The following DMD variants were observed in gnomAD, a reference collection of about 807,000 sequenced individuals.
The protein encoded by DMD is mutant dystrophin.
A neutral mutation model predicts 330.1 loss-of-function variants in DMD; 63 were observed. The ratio of observed to expected loss-of-function variants is 0.19; its 90% CI spans 0.16 to 0.24. DMD has a LOEUF of 0.24. Ranked by LOEUF, DMD falls within the 10% of genes least tolerant of loss-of-function variation. The probability of loss-of-function intolerance (pLI) is 1.00; values close to 1 mark genes in which losing one functional copy is unlikely to be tolerated. For missense variants in DMD, 3,344 were observed against 2,684.1 expected (o/e 1.25, Z -5.43); for synonymous variants, 1,223 against 959.8 (o/e 1.27, Z -5.07).
chrX:31,482,727 G>A (rs192131800), intron 57 of DMD, among the ~76,000 whole-genome samples: 3 of 111,877 alleles, frequency 2.7e-5, no homozygotes, highest in East Asian at 5.6e-4. Flanking sequence ...TTCTGAGAAG[G>A]AAAAGAGGAA....
At chrX:32,826,987 T>C (rs1438550004) in intron 4 of DMD, among the ~76,000 whole-genome samples, 1 of 108,953 alleles carries the variant, frequency 9.2e-6, no homozygotes, top group African/African-American at 3.4e-5. Context: ...TAAAAAATAG[T>C]TATATGGTAA....
intron 52 of DMD, among the ~76,000 whole-genome samples, chrX:31,681,906 C>T (rs921063793): frequency 6.3e-5 from 7 of 111,395 alleles, no homozygotes; most frequent in African/African-American, 1.3e-4. Flanking sequence ...CCAGCCTGAC[C>T]GACATGCTGA....
intron 7 of DMD, among the ~76,000 whole-genome samples, chrX:32,795,096 T>C (rs1455502298): frequency 8.9e-6 from 1 of 111,869 alleles, no homozygotes; most frequent in Non-Finnish European, 1.9e-5. Context: ...GCATTCTACA[T>C]TGAATAATGC....
rs935857284 is a variant in DMD, at chrX:32,611,633, T to C, written c.1482+2670A>G. Among the ~76,000 whole-genome samples, 3 of 111,672 alleles carry C rather than the reference T, an allele frequency of 2.7e-5. No homozygotes were observed. The South Asian group carries it at 1.1e-3, about 41-fold the overall frequency. On this transcript the variant is annotated intron_variant, in intron 12 of 78. Coordinates refer to ENST00000357033, the MANE Select transcript of DMD (RefSeq NM_004006.3). ...ACCTTAATGAAGAGTCTGTTCAGCGTCCCAAGCTAAGAACTTCCTTCATAG... is the reference window on the plus strand; with the variant it reads ...ACCTTAATGAAGAGTCTGTTCAGCGCCCCAAGCTAAGAACTTCCTTCATAG...
chrX:31,925,573 T>C, intron 47 of DMD, among the ~76,000 whole-genome samples: 2 of 111,091 alleles, frequency 1.8e-5, no homozygotes, highest in Middle Eastern at 9.3e-3. Context: ...AATATGCAAA[T>C]AGAAAAGTAG....
chrX:32,771,385 A>T (rs1224478938), intron 7 of DMD, among the ~76,000 whole-genome samples: 1 of 111,362 alleles, frequency 9.0e-6, no homozygotes, highest in Non-Finnish European at 1.9e-5. Context: ...TAACTACTAC[A>T]GATGAAAACA....
intron 1 of DMD, among the ~76,000 whole-genome samples, chrX:33,152,546 T>C (rs1314418532): frequency 1.8e-5 from 2 of 110,414 alleles, no homozygotes; most frequent in African/African-American, 3.3e-5. Context: ...ATTTTTTTTT[T>C]TCTTCAGGAT....
chrX:32,946,949 G>A (rs1602129721), intron 2 of DMD, among the ~76,000 whole-genome samples: 1 of 112,299 alleles, frequency 8.9e-6, no homozygotes. Flanking sequence ...TATCAGCAAA[G>A]GCAGAGGACC....
chrX:31,204,167 A>G, intron 66 of DMD, 49 bp from the exon 67 acceptor site: 7 of 1,117,918 alleles, frequency 6.3e-6, no homozygotes, highest in Non-Finnish European at 8.6e-6. Flanking sequence ...GCACCCATGG[A>G]TGCCAGCAGA....
chrX:31,916,083 C>A lies in DMD; in HGVS notation c.6912+13513G>T, dbSNP rs375524210. Among the ~76,000 whole-genome samples the A allele has an allele frequency of 2.7e-5, 3 of 111,802 alleles. 1 individual carries two copies. In the East Asian group the frequency reaches 8.4e-4, roughly 31 times the overall value. ...TTCTCTATTAGAATCCTGTTTCTTG[C>A]ATGAGAATAAGCCCAGGAGCGCTTG... On this transcript the variant is annotated intron_variant, in intron 47 of 78. Transcript: ENST00000357033.
chrX:31,816,679 T>C (rs2092633303), intron 50 of DMD, among the ~76,000 whole-genome samples: 1 of 108,374 alleles, frequency 9.2e-6, no homozygotes, highest in Admixed American at 1.0e-4. Context: ...CGCACCTGTA[T>C]CCCAGCTACT....
intron 44 of DMD, among the ~76,000 whole-genome samples, chrX:32,176,713 G>A (rs1569548863): frequency 1.8e-5 from 2 of 110,776 alleles, no homozygotes. Flanking sequence ...GACATGAAGT[G>A]AGTCACTTGT....
At chrX:32,932,425 G>A (rs1414133448) in intron 2 of DMD, among the ~76,000 whole-genome samples, 7 of 111,720 alleles carry the variant, frequency 6.3e-5, no homozygotes, top group Non-Finnish European at 5.7e-5. Context: ...TATTTTCAGG[G>A]GAACTTCCAA....
At chrX:32,785,216 C>T (rs939726365) in intron 7 of DMD, among the ~76,000 whole-genome samples, 10 of 104,541 alleles carry the variant, frequency 9.6e-5, no homozygotes, top group Non-Finnish European at 1.8e-4. Flanking sequence ...AAAAAAAAAA[C>T]CTTTTAGACT....
intron 60 of DMD, among the ~76,000 whole-genome samples, chrX:31,371,352 A>G (rs1458173371): frequency 8.9e-6 from 1 of 111,764 alleles, no homozygotes; most frequent in Non-Finnish European, 1.9e-5. Context: ...AGAATCTAGA[A>G]GCTTAGATTT....
At chrX:32,762,058 G>A (rs2072375008) in intron 7 of DMD, among the ~76,000 whole-genome samples, 1 of 108,595 alleles carries the variant, frequency 9.2e-6, no homozygotes, top group South Asian at 4.1e-4. Context: ...GCTGAGACAG[G>A]AGGAATCATT....
intron 55 of DMD, among the ~76,000 whole-genome samples, chrX:31,536,179 G>T (rs1050262164): frequency 3.6e-5 from 4 of 111,088 alleles, no homozygotes; most frequent in Non-Finnish European, 7.6e-5. Context: ...TGAGATAATT[G>T]AAAACTATCC....
chrX:32,660,867 G>C (rs747214161), intron 9 of DMD, among the ~76,000 whole-genome samples: 8 of 111,283 alleles, frequency 7.2e-5, no homozygotes, highest in Admixed American at 6.7e-4. Context: ...AGGTTACTCT[G>C]ATTTTGCTGA....
chrX:33,051,646 ATTTTT>A (rs754035822), intron 1 of DMD, among the ~76,000 whole-genome samples: 2 of 71,955 alleles, frequency 2.8e-5, no homozygotes, highest in Non-Finnish European at 2.4e-5. Flanking sequence ...ATTACGCTCT[ATTTTT>A]TTTTTTTTTT....
Sources: allele counts gnomAD v4.1 joint callset (sites outside exome capture counted in the v4.1 genomes callset), GRCh38; gene constraint gnomAD v4.1.1; transcripts MANE v1.5; gene names NCBI Gene and HGNC (gene_info 2026-07-23, HGNC 2026-07-21).